PIGQ: variants seen among roughly 807,000 people sequenced by gnomAD.
PIGQ encodes phosphatidylinositol glycan anchor biosynthesis class Q.
A neutral mutation model predicts 60.3 loss-of-function variants in PIGQ; 54 were observed. The ratio of observed to expected loss-of-function variants is 0.90; its 90% CI spans 0.72 to 1.12. PIGQ has a LOEUF of 1.12. Ranked by LOEUF, PIGQ falls within the 50% of genes most tolerant of loss-of-function variation. PIGQ has a pLI of 0.00. For synonymous variants in PIGQ, 416 were observed against 363.7 expected (o/e 1.14, Z -1.64); for missense variants, 799 against 793.5 (o/e 1.01, Z -0.08).
At chr16:577,355 A>G (rs1160802752) in intron 4 of PIGQ, 1 of 152,070 alleles carries the variant, frequency 6.6e-6, no homozygotes, top group East Asian at 1.9e-4. Context: ...AGGCGGGCGG[A>G]TCATGAGGTC....
rs770572410 is a variant in PIGQ, at chr16:578,893, C to T, written c.1178C>T (p.Ala393Val). ...CTGTCCCTCCTCTCGGACATTATCG[C>T]CCTCCTCACCTTCCACATCTACTGC... ...VALSLLSDII[A>V]LLTFHIYCFY... The change falls in exon 6 of 11, where the codon GCC (alanine) becomes GTC (valine). Residue 393 changes from alanine (A) to valine (V), a missense_variant. By Grantham distance (64) the Ala-to-Val change is moderately conservative. Transcript: ENST00000321878. The T allele has an allele frequency of 2.4e-5, 39 of 1,613,508 alleles. No homozygotes were observed. The highest frequency in any genetic ancestry group is 3.0e-5 in the Non-Finnish European group (35 of 1,179,960).
intron 4 of PIGQ, chr16:576,529 G>A (rs768070324): frequency 8.9e-6 from 5 of 563,414 alleles, no homozygotes; most frequent in Non-Finnish European, 1.3e-5. Context: ...GCCTCTCCCT[G>A]TGGGCCCAGC....
In PIGQ at chr16:573,538, G is replaced by A. The variant is rs77105531; in HGVS notation, c.-9-528G>A. Among the ~76,000 whole-genome samples, 731 of 152,326 alleles carry A rather than the reference G, an allele frequency of 4.8e-3. 5 individuals carry two copies. The highest frequency in any genetic ancestry group is 0.016 in the African/African-American group (668 of 41,558). ...CCGTGCGCACGAGGTAGTTTCCACA[G>A]CCCAGCAGCACATCATTTTACATTT... On this transcript the variant is annotated intron_variant, in intron 1 of 10. Coordinates refer to ENST00000321878, the MANE Select transcript of PIGQ (RefSeq NM_004204.5).
At position 581,255 on chromosome 16, in the gene PIGQ, T is replaced by G. The variant is rs941096998; in HGVS notation, c.1531+283T>G. ...CCTTTGTTCTTCTGCCTTGGGATTT[T>G]CTGGGCTTGGGAGTCTGAACTGCAG... On this transcript the variant is annotated intron_variant, in intron 9 of 10. Transcript: ENST00000321878. 29 of 1,386,236 alleles carry G rather than the reference T, an allele frequency of 2.1e-5. No individual in the cohort carries two copies. In the Middle Eastern group the frequency reaches 1.2e-3, roughly 55 times the overall value. 85.9% of individuals were successfully genotyped at this position (1,386,236 alleles called of 1,614,324 possible).
Position 583,419 on chromosome 16 carries a change from C to T in PIGQ, c.*384C>T. 1 of 1,612,740 alleles carries T rather than the reference C, an allele frequency of 6.2e-7. No individual in the cohort carries two copies. The stretch of plus-strand genomic sequence containing the variant: ...GGTGGAGGGCTGGTCTCCCTGGGGG[C>T]TCCCCAGTGGCTCTGCCCTGGCTGT... On this transcript the variant is annotated 3_prime_UTR_variant, in exon 11 of 11. Transcript: ENST00000321878.
At chr16:580,994 G>GCA in intron 9 of PIGQ, 22 bp downstream of exon 9, 1 of 1,505,248 alleles carries the variant, frequency 6.6e-7, no homozygotes, top group Non-Finnish European at 9.2e-7. Flanking sequence ...GTATTGGGCA[G>GCA]CTGGCCCTGG....
chr16:571,224 TTAGCCTGTGTGTGTGTGTGTGTGTCTGGC>T (rs2035618240), intron 1 of PIGQ, among the ~76,000 whole-genome samples: 2 of 760 alleles, frequency 2.6e-3, no homozygotes, highest in South Asian at 0.05. Context: ...GTGTGTCTGG[TTAGCCTGTGTGTGTGTGTGTGTGTCTGGC>T]TAGCCTGTGT....
At chr16:578,353 C>A in intron 4 of PIGQ, 26 bp from the exon 5 acceptor site, 1 of 1,596,960 alleles carries the variant, frequency 6.3e-7, no homozygotes, top group South Asian at 1.1e-5. Context: ...TGCCCCCGCC[C>A]CAGCGTGGCC....
chr16:574,470 C>G lies in PIGQ; in HGVS notation c.396C>G (p.Asp132Glu), dbSNP rs1240435806. Residue 132 changes from aspartate (D) to glutamate (E), a missense_variant, in exon 2 of 11, where the codon GAC (aspartate) becomes GAG (glutamate). Transcript: ENST00000321878. ...ACCAGGTCATGCTCATCTTCTATGA[C>G]CAGCGCCAGGTGTTGCTGTCACAGC... ...GEDQVMLIFY[D>E]QRQVLLSQLH... 2 of 1,610,554 alleles carry G rather than the reference C, an allele frequency of 1.2e-6. No homozygotes were observed. The highest frequency in any genetic ancestry group is 8.5e-7 in the Non-Finnish European group (1 of 1,179,102).
Position 583,739 on chromosome 16 carries a change from G to T in PIGQ, c.*704G>T. 7.5e-7 allele frequency: 1 copy of T among 1,340,066 alleles called. No individual in the cohort carries two copies. 83.0% of individuals were successfully genotyped at this position (1,340,066 alleles called of 1,614,324 possible). On this transcript the variant is annotated 3_prime_UTR_variant, in exon 11 of 11. Coordinates refer to ENST00000321878, the MANE Select transcript of PIGQ (RefSeq NM_004204.5). ...GACCCAGCCGTACCTATTCGTCCACGGTGCCCCGTAGCAGCAGGTCCTGCG... is the reference window on the plus strand; with the variant it reads ...GACCCAGCCGTACCTATTCGTCCACTGTGCCCCGTAGCAGCAGGTCCTGCG...
chr16:581,700 G>A (rs1162558521), intron 9 of PIGQ: 2 of 161,476 alleles, frequency 1.2e-5, no homozygotes, highest in African/African-American at 4.9e-5. Flanking sequence ...CTGACCTCGT[G>A]ATCCTCCCAC....
chr16:574,512 C>T lies in PIGQ; in HGVS notation c.438C>T (p.Val146=), dbSNP rs1402747881. 10 of 1,607,812 alleles carry T rather than the reference C, an allele frequency of 6.2e-6. No individual in the cohort carries two copies. In the East Asian group the frequency reaches 2.2e-4, roughly 36 times the overall value. The change falls in exon 2 of 11, where the codon GTC becomes GTT. Residue 146 remains valine (V), a synonymous_variant. Coordinates refer to ENST00000321878, the MANE Select transcript of PIGQ (RefSeq NM_004204.5). ...TGTCACAGCTACACCTGCCCACCGT[C>T]CTGCCCGACCGCCAGGCTGGAGCCA... ...VLLSQLHLPT[V]LPDRQAGATT...
chr16:579,265 G>C, intron 7 of PIGQ, 85 bp downstream of exon 7: 1 of 1,059,272 alleles, frequency 9.4e-7, no homozygotes, highest in African/African-American at 1.6e-5. Flanking sequence ...GCACCACAAG[G>C]GGGCAGCCTG....
rs2035845269 is a variant in PIGQ at position 583,388 on chromosome 16, G to A, written c.*353G>A. 6.2e-7 allele frequency: 1 copy of A among 1,612,620 alleles called. No homozygotes were observed. The highest frequency in any genetic ancestry group is 8.5e-7 in the Non-Finnish European group (1 of 1,179,832). ...TCCAGAGGGTCCGTCCACCACAGCA[G>A]CCCCAGGTGGAGGGCTGGTCTCCCT... is the stretch of plus-strand genomic sequence containing the variant. On this transcript the variant is annotated 3_prime_UTR_variant, in exon 11 of 11. Transcript: ENST00000321878.
chr16:579,766 A>T (rs191095101), intron 7 of PIGQ: 7 of 54,884 alleles, frequency 1.3e-4, no homozygotes, highest in African/African-American at 5.2e-4. Context: ...CCCGGAGACT[A>T]GAGGTGCCCC....
intron 7 of PIGQ, 119 bp downstream of exon 7, chr16:579,299 C>T (rs1018993521): frequency 2.5e-5 from 18 of 730,494 alleles, no homozygotes; most frequent in Non-Finnish European, 4.0e-5. Context: ...GCTGAGGCCG[C>T]GCACAGGCCC....
chr16:583,604 G>T lies in PIGQ; in HGVS notation c.*569G>T. The stretch of plus-strand genomic sequence containing the variant: ...TCCCTGAACCACACGGGGTTTATTT[G>T]CGGATGTTCCCTGGAGAGGTCGCTT... On this transcript the variant is annotated 3_prime_UTR_variant, in exon 11 of 11. Transcript: ENST00000321878. 6.2e-7 allele frequency: 1 copy of T among 1,612,818 alleles called. No homozygotes were observed. Among genetic ancestry groups the T allele is most frequent in the Non-Finnish European group, 8.5e-7 (1 of 1,179,960 alleles).
intron 3 of PIGQ, 80 bp downstream of exon 3, chr16:576,050 C>G (rs1044100051): frequency 6.5e-7 from 1 of 1,545,310 alleles, no homozygotes; most frequent in Non-Finnish European, 8.7e-7. Context: ...ACCACGCTGA[C>G]CCCTCCGGCC....
chr16:583,649 G>A lies in PIGQ; in HGVS notation c.*614G>A, dbSNP rs368516898. On this transcript the variant is annotated 3_prime_UTR_variant, in exon 11 of 11. Transcript: ENST00000321878. ...TCGCTTTGTGAAGAAACCATCAGCA[G>A]GCTGTGAGCATCGCCAGGCTGCTGT... The A allele has an allele frequency of 2.5e-6, 4 of 1,612,252 alleles. No individual in the cohort carries two copies. The highest frequency in any genetic ancestry group is 1.3e-5 in the African/African-American group (1 of 74,912).
Sources: gnomAD v4.1 joint callset for allele counts (sites outside exome capture counted in the v4.1 genomes callset) on GRCh38, gnomAD v4.1.1 for gene constraint, MANE v1.5 for transcripts, NCBI Gene and HGNC (gene_info 2026-07-23, HGNC 2026-07-21) for gene names.